Variants in TPCN1 observed in about 807,000 individuals in gnomAD.
TPCN1 encodes the protein two pore channel protein 1.
A neutral mutation model predicts 108.8 loss-of-function variants in TPCN1; 52 were observed. The observed-to-expected ratio is 0.48, with a 90% CI of 0.38 to 0.60. The LOEUF (loss-of-function observed/expected upper bound fraction) is 0.60. TPCN1 is among the 20% of genes least tolerant of loss of function. The pLI, the probability that TPCN1 is intolerant of heterozygous loss-of-function variation, is 0.00. For synonymous variants in TPCN1, 446 were observed against 433.7 expected (o/e 1.03, Z -0.35); for missense variants, 806 against 1,072.8 (o/e 0.75, Z 3.47).
intron 25 of TPCN1, 129 bp from the exon 26 acceptor site, chr12:113,292,805 C>T (rs887050225): frequency 2.3e-5 from 24 of 1,057,722 alleles, no homozygotes; most frequent in Non-Finnish European, 3.1e-5. Context: ...GAGCAGGACA[C>T]CAATGCAGTG....
intron 14 of TPCN1, among the ~76,000 whole-genome samples, chr12:113,279,370 TATATATATATATATA>T: frequency 1.2e-4 from 3 of 25,694 alleles, no homozygotes; most frequent in African/African-American, 4.0e-4. Context: ...TATATATATA[TATATATATATATATA>T]TATATATTTT....
intron 2 of TPCN1, among the ~76,000 whole-genome samples, chr12:113,235,192 G>A (rs1953837556): frequency 6.6e-6 from 1 of 152,228 alleles, no homozygotes; most frequent in Non-Finnish European, 1.5e-5. Flanking sequence ...AGCTGGGGCT[G>A]GAGGGTGGAG....
chr12:113,279,469 G>A (rs1401665165), intron 14 of TPCN1, among the ~76,000 whole-genome samples: 1 of 134,626 alleles, frequency 7.4e-6, no homozygotes, highest in Non-Finnish European at 1.5e-5. Flanking sequence ...GTGCGATCTC[G>A]CTCACTGCAA....
intron 22 of TPCN1, 40 bp downstream of exon 22, chr12:113,290,283 C>T (rs544992800): frequency 6.6e-5 from 93 of 1,411,952 alleles, no homozygotes; most frequent in Non-Finnish European, 8.7e-5. Context: ...TCCCTGGGGA[C>T]CCCACCCTTG....
At position 113,280,327 on chromosome 12, in the gene TPCN1, A is replaced by G. The variant is rs573121839; in HGVS notation, c.1342+132A>G. The G allele has an allele frequency of 1.3e-4, 91 of 674,232 alleles. No individual in the cohort carries two copies. The South Asian group carries it at 1.9e-3, about 14-fold the overall frequency. The allele number at this position is 674,232 out of a possible 1,614,324, so 41.8% of individuals were successfully genotyped here. A position where few individuals can be genotyped will look rare whatever the true frequency, so the allele number is the denominator to read the frequency against. The stretch of plus-strand genomic sequence containing the variant: ...TTATTGTGGGGAATTCCCAGCATGT[A>G]TAAAAGTGAAGAGAACATTACCACA... On this transcript the variant is annotated intron_variant, in intron 15 of 27. Transcript: ENST00000335509.
At position 113,284,189 on chromosome 12, in the gene TPCN1, T is replaced by C. The variant is rs1031754068; in HGVS notation, c.1343-392T>C. Among the ~76,000 whole-genome samples the C allele has an allele frequency of 2.0e-5, 3 of 152,222 alleles. No homozygotes were observed. Among genetic ancestry groups the C allele is most frequent in the Non-Finnish European group, 4.4e-5 (3 of 68,042 alleles). ...ATTGCTAGGCGAATGGCTTAATGCA[T>C]ATGCAGTTTTTCTAAAGAGTTCATG... On this transcript the variant is annotated intron_variant, in intron 15 of 27. Coordinates refer to ENST00000335509, the MANE Select transcript of TPCN1 (RefSeq NM_017901.6). The surrounding 1 kb of genome is among the most constrained non-coding windows in gnomAD (Gnocchi z 4.1).
At chr12:113,264,906 A>C (rs962371710) in intron 3 of TPCN1, among the ~76,000 whole-genome samples, 1 of 151,430 alleles carries the variant, frequency 6.6e-6, no homozygotes, top group Non-Finnish European at 1.5e-5. Context: ...GCTCACTGCA[A>C]CCTCCACCTC....
chr12:113,287,816 G>A (rs544679944), intron 19 of TPCN1, among the ~76,000 whole-genome samples: 8 of 152,250 alleles, frequency 5.3e-5, no homozygotes, highest in East Asian at 3.9e-4. Context: ...CATTGCCCCC[G>A]CTCCCCGGGG....
At chr12:113,229,022 G>C (rs1953577783) in intron 2 of TPCN1, among the ~76,000 whole-genome samples, 1 of 152,198 alleles carries the variant, frequency 6.6e-6, no homozygotes, top group African/African-American at 2.4e-5. Context: ...CTTTCCTGTG[G>C]GATGAAAGGG....
rs1955983628 is a variant in TPCN1 at position 113,284,133 on chromosome 12, T to C, written c.1343-448T>C. 1.3e-5 allele frequency among the ~76,000 whole-genome samples: 2 copies of C among 152,218 alleles called. No homozygotes were observed. Among genetic ancestry groups the C allele is most frequent in the Admixed American group, 6.5e-5 (1 of 15,286 alleles). On this transcript the variant is annotated intron_variant, in intron 15 of 27. Transcript: ENST00000335509. The surrounding 1 kb of genome is among the most constrained non-coding windows in gnomAD (Gnocchi z 4.1). ...CAGATACATCTTATATTTTTGCTAG[T>C]GTGTCATTGGGATGGTTTCTGGAAA...
At chr12:113,294,693 A>G (rs1956372191) in intron 27 of TPCN1, among the ~76,000 whole-genome samples, 1 of 151,670 alleles carries the variant, frequency 6.6e-6, no homozygotes, top group Non-Finnish European at 1.5e-5. Flanking sequence ...ATCTTTACAT[A>G]TTGGCAGCTA....
At chr12:113,249,821 C>T (rs763460637) in intron 2 of TPCN1, 2 of 152,222 alleles carry the variant, frequency 1.3e-5, no homozygotes, top group Non-Finnish European at 2.9e-5. Context: ...GGAATGACAC[C>T]GCCCACAGTT....
chr12:113,273,623 C>T lies in TPCN1; in HGVS notation c.897C>T (p.Phe299=). The T allele has an allele frequency of 6.2e-7, 1 of 1,614,228 alleles. No individual in the cohort carries two copies. Among genetic ancestry groups the T allele is most frequent in the East Asian group, 2.2e-5 (1 of 44,886 alleles). Residue 299 remains phenylalanine (F), a synonymous_variant, in exon 10 of 28, where the codon TTC becomes TTT. Coordinates refer to ENST00000335509, the MANE Select transcript of TPCN1 (RefSeq NM_017901.6). This position sits in a 1 kb window ranked among gnomAD's most constrained non-coding sequence, Gnocchi z 4.0. ...SYSRNPWSCV[F]FIVYLSIELY... ...CCCGGAACCCCTGGTCCTGCGTCTT[C>T]TTCATCGTGTACCTCTCCATCGAGC...
intron 1 of TPCN1, among the ~76,000 whole-genome samples, 160 bp from the exon 2 acceptor site, chr12:113,226,568 A>G (rs943296542): frequency 2.0e-4 from 30 of 152,166 alleles, no homozygotes; most frequent in African/African-American, 7.2e-4. Context: ...GGTGTGAGCC[A>G]CCGCGCCTGG....
chr12:113,232,595 T>A lies in TPCN1; in HGVS notation c.112+5631T>A, dbSNP rs1351143182. Among the ~76,000 whole-genome samples, 5 of 152,222 alleles carry A rather than the reference T, an allele frequency of 3.3e-5. No homozygotes were observed. Among genetic ancestry groups the A allele is most frequent in the Non-Finnish European group, 7.3e-5 (5 of 68,032 alleles). On this transcript the variant is annotated intron_variant, in intron 2 of 27. Coordinates refer to ENST00000335509, the MANE Select transcript of TPCN1 (RefSeq NM_017901.6). The surrounding 1 kb of genome is among the most constrained non-coding windows in gnomAD (Gnocchi z 5.6). ...AAGGGGCTTGCACAGCTTTTGTCAC[T>A]TGTGATACCATGGTGAGTGGAGTGG...
Position 113,276,952 on chromosome 12 carries a change from A to G in TPCN1, c.976A>G (p.Ile326Val), listed in dbSNP as rs770959019. Residue 326 changes from isoleucine to valine, a missense_variant, in exon 11 of 28, where the codon ATT (isoleucine) becomes GTT (valine). By Grantham distance (29) the Ile-to-Val change is conservative. Coordinates refer to ENST00000335509, the MANE Select transcript of TPCN1 (RefSeq NM_017901.6). ...LAVVFDTFND[I>V]EKRKFKSLLL... ...TGTGGTGTTCGACACCTTCAATGAC[A>G]TTGAGAAACGCAAGTTCAAGTCTTT... 1 of 1,613,996 alleles carries G rather than the reference A, an allele frequency of 6.2e-7. No individual in the cohort carries two copies. Among genetic ancestry groups the G allele is most frequent in the Non-Finnish European group, 8.5e-7 (1 of 1,179,998 alleles).
chr12:113,294,921 C>G (rs1593222649), intron 27 of TPCN1, among the ~76,000 whole-genome samples: 1 of 152,294 alleles, frequency 6.6e-6, no homozygotes, highest in East Asian at 1.9e-4. Context: ...CAGTGACAAC[C>G]AGGGTCCATG....
At chr12:113,293,510 G>T (rs1459653993) in intron 27 of TPCN1, among the ~76,000 whole-genome samples, 161 bp downstream of exon 27, 1 of 152,184 alleles carries the variant, frequency 6.6e-6, no homozygotes, top group Non-Finnish European at 1.5e-5. Flanking sequence ...CCTGAGCGGG[G>T]CTCACTTAGC....
At chr12:113,261,435 T>G (rs1955030416) in intron 3 of TPCN1, among the ~76,000 whole-genome samples, 1 of 142,114 alleles carries the variant, frequency 7.0e-6, no homozygotes, top group African/African-American at 2.7e-5. Context: ...TTTTTTTTTC[T>G]TTTTTTGGAG....
Sources: allele counts gnomAD v4.1 joint callset (sites outside exome capture counted in the v4.1 genomes callset), GRCh38; gene constraint gnomAD v4.1.1; non-coding constraint Gnocchi (gnomAD v3.1); transcripts MANE v1.5; gene names NCBI Gene and HGNC (gene_info 2026-07-23, HGNC 2026-07-21).